WDPCP: variants seen among roughly 807,000 people sequenced by gnomAD.
WDPCP encodes WD repeat containing planar cell polarity effector, also known as WD repeat-containing and planar cell polarity effector protein fritz homolog.
Under a neutral mutation model 93.1 loss-of-function variants are expected in WDPCP, and 71 were observed. The ratio of observed to expected loss-of-function variants is 0.76; its 90% CI spans 0.63 to 0.93. WDPCP has a LOEUF of 0.93. Among genes scored for constraint, WDPCP ranks in the 40% least tolerant of loss-of-function variants. The pLI, the probability that WDPCP is intolerant of heterozygous loss-of-function variation, is 0.00. For missense variants in WDPCP, 844 were observed against 887.4 expected (o/e 0.95, Z 0.62); for synonymous variants, 315 against 315.0 (o/e 1.00, Z 0.00).
chr2:63,247,710 A>G (rs1012095544), intron 14 of WDPCP, among the ~76,000 whole-genome samples: 1 of 151,714 alleles, frequency 6.6e-6, no homozygotes, highest in African/African-American at 2.4e-5. Context: ...CAAACCCCAA[A>G]TCCAAAATAC....
intron 14 of WDPCP, among the ~76,000 whole-genome samples, chr2:63,205,874 G>A (rs1400105757): frequency 2.6e-5 from 4 of 152,186 alleles, no homozygotes; most frequent in African/African-American, 9.6e-5. Context: ...GAGTAACAGT[G>A]GTGAAAGCGG....
At chr2:63,365,095 G>A (rs11883730) in intron 12 of WDPCP, among the ~76,000 whole-genome samples, 6 of 152,094 alleles carry the variant, frequency 3.9e-5, no homozygotes, top group African/African-American at 1.4e-4. Context: ...CAAAGTAAAG[G>A]TCCCGGCCAT....
At chr2:63,648,945 G>A (rs1478617407) in intron 3 of WDPCP, among the ~76,000 whole-genome samples, 5 of 152,138 alleles carry the variant, frequency 3.3e-5, no homozygotes, top group African/African-American at 4.8e-5. Context: ...ATGGATTGCT[G>A]TTTACCAATT....
intron 14 of WDPCP, among the ~76,000 whole-genome samples, chr2:63,245,641 T>C (rs1680213898): frequency 6.6e-6 from 1 of 152,148 alleles, no homozygotes; most frequent in Admixed American, 6.6e-5. Flanking sequence ...AGTGAACACA[T>C]GCCACTTAAT....
chr2:63,383,902 A>G (rs371078793), intron 10 of WDPCP, among the ~76,000 whole-genome samples: 1 of 152,178 alleles, frequency 6.6e-6, no homozygotes, highest in Non-Finnish European at 1.5e-5. Flanking sequence ...AAGTGCACAC[A>G]TAACACAGAC....
chr2:63,174,548 A>G (rs1230655074), intron 15 of WDPCP, 122 bp downstream of exon 15: 3 of 1,324,044 alleles, frequency 2.3e-6, no homozygotes, highest in Non-Finnish European at 3.2e-6. Flanking sequence ...AGTCTGAGCC[A>G]TGAGAAATGC....
At chr2:63,589,068 C>T (rs1229693124), upstream of WDPCP, 4 of 1,614,022 alleles carry the variant, frequency 2.5e-6, no homozygotes, top group Non-Finnish European at 2.5e-6. Flanking sequence ...CCCCGGGTTC[C>T]TGCCCACCTC....
At chr2:63,316,177 G>A (rs1686624486) in intron 12 of WDPCP, among the ~76,000 whole-genome samples, 1 of 152,072 alleles carries the variant, frequency 6.6e-6, no homozygotes, top group African/African-American at 2.4e-5. Flanking sequence ...TATAAAGAGA[G>A]GCTGAGCAAA....
At chr2:63,375,520 G>A (rs888143801) in intron 12 of WDPCP, among the ~76,000 whole-genome samples, 1 of 151,802 alleles carries the variant, frequency 6.6e-6, no homozygotes, top group African/African-American at 2.4e-5. Context: ...ATTTCTTTAT[G>A]AAAATTGATC....
At chr2:63,662,155 G>A (rs1334517726) in intron 2 of WDPCP, among the ~76,000 whole-genome samples, 1 of 152,144 alleles carries the variant, frequency 6.6e-6, no homozygotes, top group African/African-American at 2.4e-5. Flanking sequence ...AGCCAGTACA[G>A]AGTACAAATT....
At chr2:63,555,459 C>G (rs116486155) in intron 1 of WDPCP, among the ~76,000 whole-genome samples, 3 of 152,228 alleles carry the variant, frequency 2.0e-5, no homozygotes, top group South Asian at 2.1e-4. Context: ...GGGATTCCCC[C>G]CAGTGCAGCA....
chr2:63,356,820 C>T (rs1357437567), intron 12 of WDPCP, among the ~76,000 whole-genome samples: 1 of 152,136 alleles, frequency 6.6e-6, no homozygotes. Flanking sequence ...CACTGAAAGG[C>T]AACCCTAAGC....
chr2:63,130,236 T>C (rs1372327062), intron 17 of WDPCP, among the ~76,000 whole-genome samples: 2 of 152,170 alleles, frequency 1.3e-5, no homozygotes, highest in East Asian at 3.8e-4. Context: ...AAGAGAATTA[T>C]AGTTTTAGGC....
intron 1 of WDPCP, among the ~76,000 whole-genome samples, chr2:63,826,560 T>C (rs1671116298): frequency 6.6e-6 from 1 of 152,174 alleles, no homozygotes; most frequent in Admixed American, 6.5e-5. Context: ...TTTTAAAAAG[T>C]CTGCTACTTC....
chr2:63,583,573 C>T (rs1708633033), intron 1 of WDPCP, among the ~76,000 whole-genome samples: 1 of 151,250 alleles, frequency 6.6e-6, no homozygotes, highest in South Asian at 2.1e-4. Flanking sequence ...CCCAGCTACT[C>T]AGGAGGCTGA....
At chr2:63,611,941 A>G (rs896602438) in intron 3 of WDPCP, among the ~76,000 whole-genome samples, 1 of 152,202 alleles carries the variant, frequency 6.6e-6, no homozygotes, top group Non-Finnish European at 1.5e-5. Flanking sequence ...CAGAATAGAC[A>G]TCTTTAAAAC....
intron 2 of WDPCP, among the ~76,000 whole-genome samples, chr2:63,723,824 AAGG>A (rs1230444540): frequency 6.6e-6 from 1 of 152,204 alleles, no homozygotes; most frequent in Admixed American, 6.5e-5. Context: ...TTAAAAAAAA[AAGG>A]AGAAGAAAAA....
intron 3 of WDPCP, chr2:63,607,100 A>G: frequency 1.9e-6 from 2 of 1,075,612 alleles, no homozygotes; most frequent in Non-Finnish European, 2.6e-6. Context: ...AAAACAACAC[A>G]TTTTAAAGAT....
At chr2:63,142,523 T>C (rs968954192) in intron 17 of WDPCP, among the ~76,000 whole-genome samples, 2 of 152,214 alleles carry the variant, frequency 1.3e-5, no homozygotes, top group Non-Finnish European at 2.9e-5. Flanking sequence ...TTCAATTTTT[T>C]AAAATTTATT....
Sources: gnomAD v4.1 joint callset for allele counts (sites outside exome capture counted in the v4.1 genomes callset) on GRCh38, gnomAD v4.1.1 for gene constraint, MANE v1.5 for transcripts, NCBI Gene and HGNC (gene_info 2026-07-23, HGNC 2026-07-21) for gene names.